The following EIF2A variants were observed in gnomAD, a reference collection of about 807,000 sequenced individuals.
EIF2A encodes the protein eukaryotic translation initiation factor 2A.
A neutral mutation model predicts 75.2 loss-of-function variants in EIF2A; 62 were observed. That is an observed-to-expected ratio of 0.82 (90% CI 0.67 to 1.02). EIF2A has a LOEUF of 1.02. EIF2A is among the 50% of genes least tolerant of loss of function. EIF2A has a pLI of 0.00. For synonymous variants in EIF2A, 207 were observed against 239.0 expected, an observed-to-expected ratio of 0.87 and a Z score of 1.23; for missense variants, 611 against 677.7, an observed-to-expected ratio of 0.90 and a Z score of 1.09.
In EIF2A at chr3:150,572,153, A is replaced by G. The variant is rs947778224; in HGVS notation, c.1007A>G (p.Asn336Ser). 3.7e-6 allele frequency: 6 copies of G among 1,613,872 alleles called. No homozygotes were observed. Among genetic ancestry groups the G allele is most frequent in the African/African-American group, 2.7e-5 (2 of 74,920 alleles). Residue 336 changes from asparagine to serine, a missense_variant, in exon 10 of 14, where the codon AAT (asparagine) becomes AGT (serine). Transcript: ENST00000460851. The stretch of plus-strand genomic sequence containing the variant: ...ATATTAGTATTAGCTGGATTTGGAA[A>G]TCTGAGGGGACAAATGGAAGTGTGG... ...GHILVLAGFG[N>S]LRGQMEVWDV...
chr3:150,581,452 G>C (rs890796757), intron 11 of EIF2A, among the ~76,000 whole-genome samples, 166 bp from the exon 12 acceptor site: 2 of 152,126 alleles, frequency 1.3e-5, no homozygotes, highest in South Asian at 4.2e-4. Flanking sequence ...TTCTAACATG[G>C]GAGTATGTAG....
intron 11 of EIF2A, among the ~76,000 whole-genome samples, chr3:150,581,371 T>C (rs1725167109): frequency 6.6e-6 from 1 of 152,208 alleles, no homozygotes; most frequent in Admixed American, 6.5e-5. Flanking sequence ...CATCTCAGAA[T>C]ATGCAAAAGT....
At chr3:150,554,727 A>C (rs1181743741) in intron 2 of EIF2A, among the ~76,000 whole-genome samples, 1 of 152,126 alleles carries the variant, frequency 6.6e-6, no homozygotes, top group Non-Finnish European at 1.5e-5. Flanking sequence ...TTAATGGGGA[A>C]CTTTATAATC....
intron 2 of EIF2A, among the ~76,000 whole-genome samples, chr3:150,556,143 G>A (rs867846356): frequency 9.2e-5 from 14 of 152,278 alleles, no homozygotes; most frequent in South Asian, 4.1e-4. Context: ...AGGAGATGAG[G>A]TCTCTTCATT....
At chr3:150,557,666 T>G in intron 2 of EIF2A, 2 of 369,790 alleles carry the variant, frequency 5.4e-6, no homozygotes, top group Non-Finnish European at 1.1e-5. Context: ...CCCAAACTGC[T>G]GGGATTACAG....
intron 1 of EIF2A, among the ~76,000 whole-genome samples, chr3:150,547,527 C>T (rs1186034793): frequency 6.6e-6 from 1 of 152,034 alleles, no homozygotes; most frequent in East Asian, 1.9e-4. Context: ...AGTTGCTTTA[C>T]TAGGGTGTGG....
At chr3:150,565,251 T>A (rs1465328227) in intron 6 of EIF2A, 1 of 455,964 alleles carries the variant, frequency 2.2e-6, no homozygotes, top group Admixed American at 2.4e-5. Flanking sequence ...GACTACATTA[T>A]AAGGTGATGT....
chr3:150,548,931 A>G (rs781039777), intron 1 of EIF2A, among the ~76,000 whole-genome samples: 19 of 152,236 alleles, frequency 1.2e-4, no homozygotes, highest in Admixed American at 2.6e-4. Flanking sequence ...TCACTAGAAC[A>G]AACTGTTTAA....
intron 5 of EIF2A, among the ~76,000 whole-genome samples, chr3:150,563,818 T>C (rs139465543): frequency 7.2e-4 from 110 of 152,276 alleles, no homozygotes; most frequent in African/African-American, 2.5e-3. Flanking sequence ...AACAATGTTT[T>C]CTTTTTTTTG....
intron 9 of EIF2A, among the ~76,000 whole-genome samples, chr3:150,570,533 T>G (rs1724446173): frequency 6.7e-6 from 1 of 148,358 alleles, no homozygotes; most frequent in African/African-American, 2.5e-5. Flanking sequence ...ACGGCTGTAC[T>G]GCAGTCTTGG....
At chr3:150,572,918 T>G (rs1282236187) in intron 10 of EIF2A, among the ~76,000 whole-genome samples, 1 of 151,938 alleles carries the variant, frequency 6.6e-6, no homozygotes, top group Non-Finnish European at 1.5e-5. Context: ...GGTCTGAAAC[T>G]TCTTAATTTC....
chr3:150,561,212 C>T (rs1056072093), intron 3 of EIF2A, among the ~76,000 whole-genome samples: 1 of 152,216 alleles, frequency 6.6e-6, no homozygotes, highest in Non-Finnish European at 1.5e-5. Context: ...AGTCCTCCCA[C>T]CTCAGCCTCC....
At chr3:150,549,281 C>T (rs775860170) in intron 1 of EIF2A, among the ~76,000 whole-genome samples, 4 of 150,248 alleles carry the variant, frequency 2.7e-5, no homozygotes, top group South Asian at 2.1e-4. Flanking sequence ...TGCAATGGCG[C>T]GATCTTGGCT....
At chr3:150,546,918 G>C in intron 1 of EIF2A, 88 bp downstream of exon 1, 1 of 1,578,856 alleles carries the variant, frequency 6.3e-7, no homozygotes, top group Non-Finnish European at 8.6e-7. Context: ...GAGGAGCCGG[G>C]GAGTCTGATC....
At chr3:150,569,525 G>A (rs1452434096) in intron 9 of EIF2A, among the ~76,000 whole-genome samples, 1 of 152,054 alleles carries the variant, frequency 6.6e-6, no homozygotes, top group Non-Finnish European at 1.5e-5. Context: ...GGCAGGGGAA[G>A]TTATCTGGAG....
intron 2 of EIF2A, among the ~76,000 whole-genome samples, chr3:150,555,446 C>A (rs978909617): frequency 2.7e-5 from 4 of 150,890 alleles, no homozygotes; most frequent in Non-Finnish European, 5.9e-5. Flanking sequence ...TTAGTAGAGA[C>A]GTGGTTTCAC....
chr3:150,583,227 GAAC>G lies in EIF2A; in HGVS notation c.1657_1659del (p.Gln553del), dbSNP rs961766623. The G allele has an allele frequency of 3.2e-5, 51 of 1,612,684 alleles. No individual in the cohort carries two copies. Among genetic ancestry groups the G allele is most frequent in the Non-Finnish European group, 4.2e-5 (50 of 1,179,466 alleles). ...ACTGAAAGCAATCGAACAACTGAAAGAACAAGCAGCAACTGGAAAACAGCTAGA... is the reference window on the plus strand; with the variant it reads ...ACTGAAAGCAATCGAACAACTGAAAGAAGCAGCAACTGGAAAACAGCTAGA... On this transcript the variant is annotated inframe_deletion, in exon 13 of 14. Coordinates refer to ENST00000460851, the MANE Select transcript of EIF2A (RefSeq NM_032025.5).
At chr3:150,562,447 G>A (rs1723935460) in intron 3 of EIF2A, 95 bp from the exon 4 acceptor site, 1 of 923,894 alleles carries the variant, frequency 1.1e-6, no homozygotes, top group Non-Finnish European at 1.6e-6. Context: ...ACATTTTGGA[G>A]TGATCTGTAT....
intron 10 of EIF2A, 75 bp from the exon 11 acceptor site, chr3:150,575,574 C>A: frequency 9.3e-7 from 1 of 1,076,138 alleles, no homozygotes; most frequent in Non-Finnish European, 1.3e-6. Context: ...CCTATATTAG[C>A]AGAAGTGTAT....
Sources: gnomAD v4.1 joint callset for allele counts (sites outside exome capture counted in the v4.1 genomes callset) on GRCh38, gnomAD v4.1.1 for gene constraint, MANE v1.5 for transcripts, NCBI Gene and HGNC (gene_info 2026-07-23, HGNC 2026-07-21) for gene names.